Variants in RIN3 observed in about 807,000 individuals in gnomAD.
The protein encoded by RIN3 is Ras and Rab interactor 3, also known as RAB5 interacting protein 3.
Under a neutral mutation model 76.3 loss-of-function variants are expected in RIN3, and 54 were observed. The observed-to-expected ratio is 0.71, with a 90% CI of 0.57 to 0.89. RIN3 has a LOEUF of 0.89. RIN3 is among the 40% of genes least tolerant of loss of function. The probability of loss-of-function intolerance (pLI) is 0.00; values close to 1 mark genes in which losing one functional copy is unlikely to be tolerated. For synonymous variants in RIN3, 576 were observed against 564.0 expected (o/e 1.02, Z -0.30); for missense variants, 1,256 against 1,322.1 (o/e 0.95, Z 0.78).
intron 2 of RIN3, among the ~76,000 whole-genome samples, chr14:92,571,625 G>A (rs1280110132): frequency 6.6e-6 from 1 of 152,050 alleles, no homozygotes; most frequent in African/African-American, 2.4e-5. Context: ...CAGACTCCAC[G>A]GGCTGCTCCT....
At chr14:92,545,880 G>C (rs1045138801) in intron 1 of RIN3, among the ~76,000 whole-genome samples, 1 of 151,910 alleles carries the variant, frequency 6.6e-6, no homozygotes. Context: ...ACAGAATTTT[G>C]AGATTTAACC....
chr14:92,554,098 G>A (rs764246923), intron 1 of RIN3, among the ~76,000 whole-genome samples: 1 of 152,128 alleles, frequency 6.6e-6, no homozygotes, highest in African/African-American at 2.4e-5. Context: ...ACAGCTTCAT[G>A]GCTTTCTGGG....
chr14:92,572,669 G>A (rs370819230), intron 2 of RIN3, among the ~76,000 whole-genome samples: 4 of 152,204 alleles, frequency 2.6e-5, no homozygotes, highest in South Asian at 2.1e-4. Flanking sequence ...TCAGTCTTTC[G>A]TAACTGCTTC....
chr14:92,576,184 C>G, intron 2 of RIN3: 1 of 1,226,944 alleles, frequency 8.2e-7, no homozygotes, highest in Admixed American at 2.6e-5. Flanking sequence ...CAGAAGGTGT[C>G]ACCTGCCAAG....
At chr14:92,621,641 G>A (rs746358057) in intron 4 of RIN3, among the ~76,000 whole-genome samples, 1 of 152,176 alleles carries the variant, frequency 6.6e-6, no homozygotes, top group South Asian at 2.1e-4. Flanking sequence ...CAATAGAAAG[G>A]AAATGTTCAT....
chr14:92,618,785 A>G (rs986719467), intron 4 of RIN3, among the ~76,000 whole-genome samples: 7 of 152,212 alleles, frequency 4.6e-5, no homozygotes, highest in South Asian at 4.1e-4. Context: ...GTAAGCCACT[A>G]CATCAATGTA....
chr14:92,681,566 G>A lies in RIN3; in HGVS notation c.2468-3421G>A, dbSNP rs925400250. On this transcript the variant is annotated intron_variant, in intron 8 of 9. Coordinates refer to ENST00000216487, the MANE Select transcript of RIN3 (RefSeq NM_024832.5). The surrounding 1 kb of genome is among the most constrained non-coding windows in gnomAD (Gnocchi z 4.7). ...CCTGAATTACAGGGCTGGCTGCTAT[G>A]GAGCAAAGACCTAGATCCTGTTCTC... Among the ~76,000 whole-genome samples, 1 of 152,204 alleles carries A rather than the reference G, an allele frequency of 6.6e-6. No individual in the cohort carries two copies. Among genetic ancestry groups the A allele is most frequent in the Non-Finnish European group, 1.5e-5 (1 of 68,042 alleles).
chr14:92,538,497 GT>G (rs1218244324), intron 1 of RIN3, among the ~76,000 whole-genome samples: 1 of 152,210 alleles, frequency 6.6e-6, no homozygotes, highest in Non-Finnish European at 1.5e-5. Context: ...CAAAGCTTGA[GT>G]TTGGGGGAGA....
intron 3 of RIN3, among the ~76,000 whole-genome samples, chr14:92,607,075 A>G (rs1019543084): frequency 3.3e-5 from 5 of 152,258 alleles, no homozygotes; most frequent in Non-Finnish European, 5.9e-5. Flanking sequence ...AAAATATTCA[A>G]TTAGAAAATG....
rs1486806899 is a variant in RIN3 at position 92,648,045 on chromosome 14, C to G, written c.533-3537C>G. Among the ~76,000 whole-genome samples the G allele has an allele frequency of 6.6e-6, 1 of 152,050 alleles. No individual in the cohort carries two copies. The highest frequency in any genetic ancestry group is 1.5e-5 in the Non-Finnish European group (1 of 68,010). On this transcript the variant is annotated intron_variant, in intron 5 of 9. Transcript: ENST00000216487. This position sits in a 1 kb window ranked among gnomAD's most constrained non-coding sequence, Gnocchi z 4.1. ...GCATGACACAGGGTTCTGTTTCTCCCCTGGCCTTGGCGTTCTCAGGCTGCA... is the reference window on the plus strand; with the variant it reads ...GCATGACACAGGGTTCTGTTTCTCCGCTGGCCTTGGCGTTCTCAGGCTGCA...
intron 7 of RIN3, among the ~76,000 whole-genome samples, chr14:92,666,480 C>T (rs1888110100): frequency 6.6e-6 from 1 of 152,138 alleles, no homozygotes; most frequent in African/African-American, 2.4e-5. Context: ...TGTGTCTTCT[C>T]CTGTCACAAG....
In RIN3 at chr14:92,561,040, A is replaced by ATATATATATATAT. The variant is rs1306892381; in HGVS notation, c.249+5085_249+5086insTATATATATATAT. Among the ~76,000 whole-genome samples the ATATATATATATAT allele has an allele frequency of 8.4e-4, 13 of 15,440 alleles. 1 individual carries two copies. Among genetic ancestry groups the ATATATATATATAT allele is most frequent in the African/African-American group, 1.1e-3 (5 of 4,706 alleles). The allele number at this position is 15,440 out of a possible 152,430, so 10.1% of individuals were successfully genotyped here. On this transcript the variant is annotated intron_variant, in intron 2 of 9. Transcript: ENST00000216487. ...CTGTCTAAAAAAAAAAAAAAAAAAA[A>ATATATATATATAT]AAAAATATATATATATCTGCCATAT...
At chr14:92,537,214 T>G (rs1331009238) in intron 1 of RIN3, among the ~76,000 whole-genome samples, 1 of 152,214 alleles carries the variant, frequency 6.6e-6, no homozygotes, top group Non-Finnish European at 1.5e-5. Context: ...GGTTAATATC[T>G]CCTTAACCAC....
chr14:92,665,671 G>A lies in RIN3; in HGVS notation c.2335+6202G>A, dbSNP rs28535792. Among the ~76,000 whole-genome samples, 156 of 152,164 alleles carry A rather than the reference G, an allele frequency of 1.0e-3. 1 individual carries two copies. The highest frequency in any genetic ancestry group is 3.7e-3 in the South Asian group (18 of 4,822). ...GCTGGGATTACAAGCGTGAGCCACC[G>A]CGCCTGGACTCTTTGTCTTTAATGA... On this transcript the variant is annotated intron_variant, in intron 7 of 9. Transcript: ENST00000216487.
intron 8 of RIN3, among the ~76,000 whole-genome samples, chr14:92,684,385 CA>C (rs35113092): frequency 1.3e-3 from 149 of 115,838 alleles, no homozygotes; most frequent in Middle Eastern, 9.3e-3. Flanking sequence ...CAGACTTAGA[CA>C]AAAAAAAAAA....
chr14:92,561,044 A>AAAAAAATATATATATATATATATATATAT (rs1555383856), intron 2 of RIN3, among the ~76,000 whole-genome samples: 9 of 24,392 alleles, frequency 3.7e-4, no homozygotes, highest in Non-Finnish European at 4.0e-4. Context: ...AAAAAAAAAA[A>AAAAAAATATATATATATATATATATATAT]ATATATATAT....
intron 7 of RIN3, among the ~76,000 whole-genome samples, chr14:92,663,109 C>A (rs1254762438): frequency 5.9e-5 from 9 of 152,190 alleles, no homozygotes; most frequent in Non-Finnish European, 1.2e-4. Context: ...CCACACCCAG[C>A]CTGACTTTTG....
chr14:92,597,466 T>C (rs998990420), intron 3 of RIN3, among the ~76,000 whole-genome samples: 1 of 152,228 alleles, frequency 6.6e-6, no homozygotes, highest in African/African-American at 2.4e-5. Flanking sequence ...CCAGTGGCAG[T>C]GGCTGTGGTG....
At chr14:92,537,379 G>GTCCCTTAT (rs1318432997) in intron 1 of RIN3, among the ~76,000 whole-genome samples, 1 of 151,902 alleles carries the variant, frequency 6.6e-6, no homozygotes, top group East Asian at 1.9e-4. Context: ...CATTTCCCTG[G>GTCCCTTAT]TCCCTTATTG....
Sources: allele counts gnomAD v4.1 joint callset (sites outside exome capture counted in the v4.1 genomes callset), GRCh38; gene constraint gnomAD v4.1.1; non-coding constraint Gnocchi (gnomAD v3.1); transcripts MANE v1.5; gene names NCBI Gene and HGNC (gene_info 2026-07-23, HGNC 2026-07-21).